Variants in COL11A1 observed in about 807,000 individuals in gnomAD.
COL11A1 encodes the protein collagen alpha-1(XI) chain.
Under a neutral mutation model 265.2 loss-of-function variants are expected in COL11A1, and 74 were observed. The ratio of observed to expected loss-of-function variants is 0.28; its 90% CI spans 0.23 to 0.34. The LOEUF (loss-of-function observed/expected upper bound fraction) is 0.34, where lower values mean the gene tolerates loss of function less well. Ranked by LOEUF, COL11A1 falls within the 10% of genes least tolerant of loss-of-function variation. The pLI is 1.00. For missense variants in COL11A1, 2,165 were observed against 2,263.6 expected (o/e 0.96, Z 0.88); for synonymous variants, 816 against 727.6 (o/e 1.12, Z -1.96).
At chr1:103,021,488 C>G (rs1667072796) in intron 9 of COL11A1, among the ~76,000 whole-genome samples, 1 of 152,122 alleles carries the variant, frequency 6.6e-6, no homozygotes, top group Non-Finnish European at 1.5e-5. Context: ...ATTTCAGCTA[C>G]TTTCAAATTC....
At chr1:102,915,292 T>C (rs1260516442) in intron 50 of COL11A1, among the ~76,000 whole-genome samples, 1 of 151,920 alleles carries the variant, frequency 6.6e-6, no homozygotes, top group African/African-American at 2.4e-5. Context: ...TAGAATAATA[T>C]AGTCACAATA....
chr1:103,089,473 G>T (rs759141194), intron 1 of COL11A1, among the ~76,000 whole-genome samples: 8 of 152,008 alleles, frequency 5.3e-5, no homozygotes, highest in Non-Finnish European at 1.0e-4. Flanking sequence ...CTAAATTATG[G>T]TCATGATTTT....
intron 14 of COL11A1, 101 bp downstream of exon 14, chr1:103,012,312 T>C (rs1666199178): frequency 2.3e-6 from 2 of 853,208 alleles, no homozygotes; most frequent in Non-Finnish European, 4.0e-6. Flanking sequence ...ACATACCCTA[T>C]TGTCACCAAC....
Position 103,008,443 on chromosome 1 carries a change from G to C in COL11A1, c.1683+20C>G, listed in dbSNP as rs373143275. On this transcript the variant is annotated intron_variant, in intron 15 of 66. Transcript: ENST00000370096. ...CAAAGAAGCCAGTCAAGAATAAAAA[G>C]TCAAATTTTTATTTTTTACCTGAGG... 57 of 1,606,936 alleles carry C rather than the reference G, an allele frequency of 3.5e-5. No homozygotes were observed. The highest frequency in any genetic ancestry group is 4.6e-5 in the Non-Finnish European group (54 of 1,173,828).
chr1:102,928,971 A>T (rs1459227843), intron 46 of COL11A1, among the ~76,000 whole-genome samples: 1 of 92,416 alleles, frequency 1.1e-5, no homozygotes, highest in East Asian at 4.1e-4. Context: ...GTTTGAGTTC[A>T]TTGTAGATTC....
chr1:103,097,082 G>A (rs1673835400), intron 1 of COL11A1, among the ~76,000 whole-genome samples: 1 of 151,952 alleles, frequency 6.6e-6, no homozygotes, highest in Non-Finnish European at 1.5e-5. Context: ...AAAACAACAT[G>A]GCCCCAGTTC....
chr1:102,877,926 A>G lies in COL11A1; in HGVS notation c.*93T>C. The G allele has an allele frequency of 7.5e-7, 1 of 1,331,698 alleles. No individual in the cohort carries two copies. Among genetic ancestry groups the G allele is most frequent in the South Asian group, 1.2e-5 (1 of 84,600 alleles). 82.5% of individuals were successfully genotyped at this position (1,331,698 alleles called of 1,614,324 possible). A position where few individuals can be genotyped will look rare whatever the true frequency, so the allele number is the denominator to read the frequency against. The stretch of plus-strand genomic sequence containing the variant: ...CTGTATATGCAGCGTTGTTTTCTAT[A>G]CCATCCTTATTCAAAACTTGCATGT... On this transcript the variant is annotated 3_prime_UTR_variant, in exon 67 of 67. Coordinates refer to ENST00000370096, the MANE Select transcript of COL11A1 (RefSeq NM_001854.4).
intron 57 of COL11A1, among the ~76,000 whole-genome samples, chr1:102,896,976 C>T (rs1490587818): frequency 1.3e-5 from 2 of 152,046 alleles, no homozygotes; most frequent in African/African-American, 2.4e-5. Context: ...CTGCTTCAAC[C>T]GGGGCCCTTT....
At chr1:102,964,456 A>C (rs1206702851) in intron 38 of COL11A1, among the ~76,000 whole-genome samples, 2 of 152,306 alleles carry the variant, frequency 1.3e-5, no homozygotes, top group Non-Finnish European at 1.5e-5. Flanking sequence ...ACTCTATAAA[A>C]TAACATCGTA....
intron 57 of COL11A1, among the ~76,000 whole-genome samples, 163 bp downstream of exon 57, chr1:102,897,962 T>C (rs1281098487): frequency 1.3e-5 from 2 of 152,176 alleles, no homozygotes; most frequent in Non-Finnish European, 2.9e-5. Context: ...TCCATATACC[T>C]ATCAGTTAGG....
intron 1 of COL11A1, among the ~76,000 whole-genome samples, chr1:103,097,955 G>A (rs1411987371): frequency 3.3e-5 from 5 of 151,698 alleles, no homozygotes; most frequent in Admixed American, 3.3e-4. Flanking sequence ...ACCTGAAAGT[G>A]GAAAGCAAAA....
At chr1:102,900,367 T>C (rs1653030386) in intron 54 of COL11A1, among the ~76,000 whole-genome samples, 1 of 152,114 alleles carries the variant, frequency 6.6e-6, no homozygotes, top group South Asian at 2.1e-4. Context: ...TGTTCTATTG[T>C]TAAAATGTTG....
intron 38 of COL11A1, among the ~76,000 whole-genome samples, chr1:102,963,819 C>G (rs984067546): frequency 6.6e-6 from 1 of 151,926 alleles, no homozygotes; most frequent in Non-Finnish European, 1.5e-5. Flanking sequence ...AGAATTTGAA[C>G]AGTAAGGAAT....
intron 5 of COL11A1, among the ~76,000 whole-genome samples, chr1:103,030,489 G>A (rs1357519796): frequency 6.6e-6 from 1 of 151,064 alleles, no homozygotes; most frequent in Non-Finnish European, 1.5e-5. Context: ...TTCATTTTTA[G>A]AACAGTTTTG....
At position 102,962,238 on chromosome 1, in the gene COL11A1, C is replaced by T. The variant is rs757971705; in HGVS notation, c.3052G>A (p.Gly1018Arg). ...CGTAATCCTGCTGGTCCATCTTTCCCTGAGATACCTTGAGGACCTGGATCA... is the reference window on the plus strand; with the variant it reads ...CGTAATCCTGCTGGTCCATCTTTCCTTGAGATACCTTGAGGACCTGGATCA... ...KGDPGPQGIS[G>R]KDGPAGLRGF... The change falls in exon 40 of 67, where the codon GGG (glycine) becomes AGG (arginine). Residue 1018 changes from glycine to arginine, a missense_variant. By Grantham distance (125) the Gly-to-Arg change is moderately radical. Transcript: ENST00000370096. 6.2e-7 allele frequency: 1 copy of T among 1,613,610 alleles called. No individual in the cohort carries two copies. Among genetic ancestry groups the T allele is most frequent in the Non-Finnish European group, 8.5e-7 (1 of 1,179,728 alleles).
Position 103,010,778 on chromosome 1 carries a change from G to A in COL11A1, c.1629+1635C>T, listed in dbSNP as rs188744064. 3.5e-3 allele frequency among the ~76,000 whole-genome samples: 534 copies of A among 151,512 alleles called. 4 individuals are homozygous for A. The highest frequency in any genetic ancestry group is 0.013 in the African/African-American group (518 of 41,242). On this transcript the variant is annotated intron_variant, in intron 14 of 66. Transcript: ENST00000370096. ...TGCAGTGGCACAATCTCAGCTCACA[G>A]CAACCTCCACATCCCGGGTTCAAGC...
chr1:103,100,060 TA>T (rs1184504324), intron 1 of COL11A1: 2 of 151,842 alleles, frequency 1.3e-5, no homozygotes, highest in Non-Finnish European at 2.9e-5. Context: ...GGGACACAAA[TA>T]AAACTAGATC....
At chr1:102,895,986 G>T (rs1168215078) in intron 57 of COL11A1, among the ~76,000 whole-genome samples, 1 of 151,396 alleles carries the variant, frequency 6.6e-6, no homozygotes, top group Non-Finnish European at 1.5e-5. Flanking sequence ...AAATTGATTG[G>T]TTTTCAACAT....
chr1:102,886,565 G>A (rs545604151), intron 63 of COL11A1, among the ~76,000 whole-genome samples: 6 of 152,252 alleles, frequency 3.9e-5, no homozygotes, highest in Admixed American at 3.3e-4. Flanking sequence ...TGTGTTAGCT[G>A]TAATCATCCA....
Sources: allele counts gnomAD v4.1 joint callset (sites outside exome capture counted in the v4.1 genomes callset), GRCh38; gene constraint gnomAD v4.1.1; transcripts MANE v1.5; gene names NCBI Gene and HGNC (gene_info 2026-07-23, HGNC 2026-07-21).